CACNA2D3: variants seen among roughly 807,000 people sequenced by gnomAD.
CACNA2D3 encodes the protein voltage-dependent calcium channel subunit alpha-2/delta-3.
CACNA2D3 carries 60 observed loss-of-function variants against 160.6 expected under a neutral mutation model. That is an observed-to-expected ratio of 0.37 (90% confidence interval 0.30 to 0.46). CACNA2D3 has a LOEUF of 0.46. Ranked by LOEUF, CACNA2D3 falls within the 20% of genes least tolerant of loss-of-function variation. The pLI is 1.00. For synonymous variants in CACNA2D3, 558 were observed against 492.9 expected (o/e 1.13, Z -1.75); for missense variants, 1,205 against 1,365.0 (o/e 0.88, Z 1.85).
At chr3:54,447,317 A>G (rs911560045) in intron 4 of CACNA2D3, among the ~76,000 whole-genome samples, 4 of 152,210 alleles carry the variant, frequency 2.6e-5, no homozygotes, top group Admixed American at 2.0e-4. Flanking sequence ...TGAAAAGAAA[A>G]AAGAAGAAAA....
intron 9 of CACNA2D3, among the ~76,000 whole-genome samples, chr3:54,590,645 C>T (rs1332894242): frequency 6.6e-6 from 1 of 151,742 alleles, no homozygotes; most frequent in African/African-American, 2.4e-5. Context: ...CGGGGTCTTG[C>T]TGTGTTGCCC....
intron 4 of CACNA2D3, among the ~76,000 whole-genome samples, chr3:54,500,855 C>T (rs1701283564): frequency 6.6e-6 from 1 of 152,144 alleles, no homozygotes; most frequent in African/African-American, 2.4e-5. Context: ...ATTTGTGCTG[C>T]TACAACAGAA....
At chr3:54,216,931 TAAA>T (rs1701473518) in intron 2 of CACNA2D3, among the ~76,000 whole-genome samples, 1 of 151,944 alleles carries the variant, frequency 6.6e-6, no homozygotes. Flanking sequence ...TGGGGGGAGA[TAAA>T]GAAGAACTAA....
rs570533527 is a variant in CACNA2D3, at chr3:54,345,117, C to A, written c.321+24559C>A. Among the ~76,000 whole-genome samples the A allele has an allele frequency of 9.2e-5, 14 of 152,338 alleles. No individual in the cohort carries two copies. The South Asian group carries it at 2.9e-3, about 32-fold the overall frequency. ...AAGAAATAACCATAAAAATGCACAA[C>A]CGACAGCCCTTGGGGCTTCTCTGTC... On this transcript the variant is annotated intron_variant, in intron 3 of 37. Transcript: ENST00000474759.
chr3:54,933,903 G>C (rs1701267906), intron 27 of CACNA2D3, among the ~76,000 whole-genome samples: 1 of 151,848 alleles, frequency 6.6e-6, no homozygotes, highest in Admixed American at 6.6e-5. Flanking sequence ...GGAGTAGCTG[G>C]GATTACAGGC....
At chr3:54,388,995 GATA>G (rs1197639092) in intron 4 of CACNA2D3, among the ~76,000 whole-genome samples, 6 of 147,412 alleles carry the variant, frequency 4.1e-5, no homozygotes, top group African/African-American at 1.5e-4. Flanking sequence ...TAAATAAACA[GATA>G]GATAGATTAA....
intron 2 of CACNA2D3, among the ~76,000 whole-genome samples, chr3:54,208,471 G>A (rs1228936379): frequency 6.6e-6 from 1 of 152,208 alleles, no homozygotes; most frequent in Non-Finnish European, 1.5e-5. Context: ...GTTTCCAATA[G>A]CCCTGGGCTG....
Position 54,871,043 on chromosome 3 carries a change from TACACACACACACACAC to T in CACNA2D3, c.1627-461_1627-446del, listed in dbSNP as rs58370850. Among the ~76,000 whole-genome samples, 347 of 143,044 alleles carry T rather than the reference TACACACACACACACAC, an allele frequency of 2.4e-3. 2 individuals carry two copies. The highest frequency in any genetic ancestry group is 3.7e-3 in the African/African-American group (140 of 37,824). 93.8% of individuals were successfully genotyped at this position (143,044 alleles called of 152,430 possible). A position where few individuals can be genotyped will look rare whatever the true frequency, so the allele number is the denominator to read the frequency against. On this transcript the variant is annotated intron_variant, in intron 17 of 37. Coordinates refer to ENST00000474759, the MANE Select transcript of CACNA2D3 (RefSeq NM_018398.3). ...GGACTGAGTTTTAGCAGCTTTGGGA[TACACACACACACACAC>T]ACACACACACACACACACACACACA...
intron 5 of CACNA2D3, among the ~76,000 whole-genome samples, chr3:54,553,337 T>C (rs1311385297): frequency 3.3e-5 from 5 of 152,220 alleles, no homozygotes. Context: ...ATGGGAGACA[T>C]GAAAACTATC....
intron 2 of CACNA2D3, among the ~76,000 whole-genome samples, chr3:54,285,190 G>A (rs1199502571): frequency 2.0e-5 from 3 of 152,288 alleles, no homozygotes; most frequent in South Asian, 4.2e-4. Context: ...TCAAAGAAAG[G>A]GGTGACAGAC....
chr3:54,286,375 G>C (rs985649573), intron 2 of CACNA2D3, among the ~76,000 whole-genome samples: 2 of 152,114 alleles, frequency 1.3e-5, no homozygotes, highest in African/African-American at 4.8e-5. Flanking sequence ...GGGAAGTTTA[G>C]AGAAAAAAGA....
At chr3:54,733,402 T>C (rs1575446905) in intron 11 of CACNA2D3, among the ~76,000 whole-genome samples, 1 of 152,230 alleles carries the variant, frequency 6.6e-6, no homozygotes, top group African/African-American at 2.4e-5. Flanking sequence ...GTTTTCTGTA[T>C]GGTGTTGTAC....
intron 14 of CACNA2D3, among the ~76,000 whole-genome samples, chr3:54,836,273 C>T (rs1242133795): frequency 7.4e-6 from 1 of 134,830 alleles, no homozygotes; most frequent in Non-Finnish European, 1.5e-5. Flanking sequence ...CTCGCTCTGT[C>T]ACCCAGCCTG....
intron 11 of CACNA2D3, among the ~76,000 whole-genome samples, chr3:54,677,144 G>GC (rs892037087): frequency 1.1e-4 from 16 of 152,082 alleles, no homozygotes; most frequent in Admixed American, 5.9e-4. Flanking sequence ...CTTTTTTTGT[G>GC]CCCCCCAAAT....
At chr3:54,346,373 A>G (rs1184085289) in intron 3 of CACNA2D3, among the ~76,000 whole-genome samples, 2 of 152,130 alleles carry the variant, frequency 1.3e-5, no homozygotes, top group Admixed American at 1.3e-4. Flanking sequence ...CATGGAATTG[A>G]TTTCTCCTTT....
chr3:54,848,572 TAGA>T (rs1007333587), intron 17 of CACNA2D3, among the ~76,000 whole-genome samples: 9 of 152,250 alleles, frequency 5.9e-5, no homozygotes, highest in Admixed American at 5.2e-4. Context: ...ATCAGATACT[TAGA>T]AGAAGTTTAG....
intron 27 of CACNA2D3, among the ~76,000 whole-genome samples, chr3:54,949,757 T>A (rs1701708713): frequency 6.6e-6 from 1 of 152,112 alleles, no homozygotes; most frequent in Non-Finnish European, 1.5e-5. Flanking sequence ...GTGACTGTGG[T>A]CTCTGCCACA....
intron 13 of CACNA2D3, among the ~76,000 whole-genome samples, chr3:54,784,972 C>T (rs919158798): frequency 2.6e-5 from 4 of 152,166 alleles, no homozygotes; most frequent in Non-Finnish European, 5.9e-5. Context: ...TCTCTACACT[C>T]TTGGGAAGGG....
intron 3 of CACNA2D3, 68 bp from the exon 4 acceptor site, chr3:54,386,647 G>A: frequency 7.1e-7 from 1 of 1,414,032 alleles, no homozygotes; most frequent in East Asian, 2.5e-5. Context: ...TTGGTCAATG[G>A]AGAAATGGGG....
Sources: allele counts gnomAD v4.1 joint callset (sites outside exome capture counted in the v4.1 genomes callset), GRCh38; gene constraint gnomAD v4.1.1; transcripts MANE v1.5; gene names NCBI Gene and HGNC (gene_info 2026-07-23, HGNC 2026-07-21).